The following ASIC2 variants were observed in gnomAD, a reference collection of about 807,000 sequenced individuals.
ASIC2 encodes the protein acid-sensing ion channel 2.
A neutral mutation model predicts 57.3 loss-of-function variants in ASIC2; 25 were observed. The ratio of observed to expected loss-of-function variants is 0.44; its 90% CI spans 0.32 to 0.61. ASIC2 has a LOEUF of 0.61. Among genes scored for constraint, ASIC2 ranks in the 20% least tolerant of loss-of-function variants. The pLI is 0.06. For synonymous variants in ASIC2, 319 were observed against 307.5 expected (o/e 1.04, Z -0.39); for missense variants, 641 against 738.1 (o/e 0.87, Z 1.52).
chr17:33,395,982 A>G (rs943834873), intron 1 of ASIC2, among the ~76,000 whole-genome samples: 5 of 152,242 alleles, frequency 3.3e-5, no homozygotes, highest in African/African-American at 1.2e-4. Context: ...TTTATAACAA[A>G]GGCCAGAGAA....
intron 1 of ASIC2, among the ~76,000 whole-genome samples, chr17:33,875,745 A>T (rs1914529963): frequency 6.6e-6 from 1 of 151,836 alleles, no homozygotes; most frequent in Non-Finnish European, 1.5e-5. Context: ...GTCTCATTTC[A>T]CTCAAGCCAA....
chr17:33,997,402 C>G (rs1454633532), intron 1 of ASIC2, among the ~76,000 whole-genome samples: 1 of 144,996 alleles, frequency 6.9e-6, no homozygotes, highest in Non-Finnish European at 1.5e-5. Context: ...GATCGGCCAG[C>G]CTTGGGCTCC....
intron 1 of ASIC2, among the ~76,000 whole-genome samples, chr17:33,872,012 C>T (rs1437713845): frequency 2.6e-5 from 4 of 152,110 alleles, no homozygotes; most frequent in African/African-American, 9.7e-5. Flanking sequence ...TCTCTCCTCC[C>T]ACTTGCAGGC....
chr17:34,053,829 C>T (rs1908659509), intron 1 of ASIC2, among the ~76,000 whole-genome samples: 1 of 152,174 alleles, frequency 6.6e-6, no homozygotes, highest in Admixed American at 6.5e-5. Flanking sequence ...TGGAGGAAAC[C>T]AAATATAGGT....
chr17:33,182,091 G>T (rs1906009375), intron 1 of ASIC2, among the ~76,000 whole-genome samples: 1 of 152,182 alleles, frequency 6.6e-6, no homozygotes. Flanking sequence ...GAGAACTATT[G>T]TGGGTTGAAG....
chr17:33,119,239 G>T (rs866147363), intron 1 of ASIC2, among the ~76,000 whole-genome samples: 1 of 152,088 alleles, frequency 6.6e-6, no homozygotes, highest in Admixed American at 6.5e-5. Context: ...CTTATTACAC[G>T]TGAAGGAAAT....
chr17:33,524,128 G>A (rs562379851), intron 1 of ASIC2, among the ~76,000 whole-genome samples: 2 of 152,172 alleles, frequency 1.3e-5, no homozygotes, highest in Non-Finnish European at 2.9e-5. Context: ...GGGCTCAGGA[G>A]TTTCTCTCAC....
At chr17:33,427,055 A>G (rs1253291154) in intron 1 of ASIC2, among the ~76,000 whole-genome samples, 1 of 152,190 alleles carries the variant, frequency 6.6e-6, no homozygotes, top group Non-Finnish European at 1.5e-5. Flanking sequence ...GGCCAGAAAC[A>G]GTGATCAAGG....
In ASIC2 at chr17:34,060,769, C is replaced by T. The variant is rs1014719664; in HGVS notation, c.555+95209G>A. On this transcript the variant is annotated intron_variant, in intron 1 of 9. Transcript: ENST00000359872. Reference sequence around the variant, plus strand: ...GAAATTCAGAGCTCAAAGACAAGGTCTTCAAATTAACCCATTTCAACAAAG... The same window carrying T: ...GAAATTCAGAGCTCAAAGACAAGGTTTTCAAATTAACCCATTTCAACAAAG... 3.3e-5 allele frequency among the ~76,000 whole-genome samples: 5 copies of T among 152,066 alleles called. No individual in the cohort carries two copies. In the South Asian group the frequency reaches 1.0e-3, roughly 32 times the overall value.
Position 33,464,476 on chromosome 17 carries a change from TTTTCTCTCTTTCTTTCTTTCTTTC to T in ASIC2, c.556-352433_556-352410del, listed in dbSNP as rs1454416555. 8.3e-5 allele frequency among the ~76,000 whole-genome samples: 6 copies of T among 71,926 alleles called. No individual in the cohort carries two copies. The East Asian group carries it at 1.8e-3, about 22-fold the overall frequency. 47.2% of individuals were successfully genotyped at this position (71,926 alleles called of 152,430 possible). On this transcript the variant is annotated intron_variant, in intron 1 of 9. Coordinates refer to the ASIC2 transcript ENST00000359872. ...CTTTTTCTCTTTCTTTCTTTCTTTC[TTTTCTCTCTTTCTTTCTTTCTTTC>T]TTTCTTTCTTTCTTTCTTTCTTTCT...
chr17:34,011,717 A>T (rs56406346), intron 1 of ASIC2, among the ~76,000 whole-genome samples: 3 of 152,020 alleles, frequency 2.0e-5, no homozygotes, highest in South Asian at 2.1e-4. Flanking sequence ...CTAATTGCCA[A>T]ATCAAATGCA....
At chr17:33,190,406 C>G (rs1251490362) in intron 1 of ASIC2, among the ~76,000 whole-genome samples, 1 of 152,054 alleles carries the variant, frequency 6.6e-6, no homozygotes, top group Non-Finnish European at 1.5e-5. Context: ...TATGTAAATA[C>G]AGAGAAATGC....
intron 1 of ASIC2, among the ~76,000 whole-genome samples, chr17:33,213,383 A>G (rs1907356582): frequency 6.6e-6 from 1 of 152,156 alleles, no homozygotes; most frequent in Admixed American, 6.5e-5. Context: ...CAGGGAAGAG[A>G]AGGAAATGAT....
intron 1 of ASIC2, among the ~76,000 whole-genome samples, chr17:33,811,563 A>G (rs1432855699): frequency 6.6e-6 from 1 of 152,194 alleles, no homozygotes; most frequent in Non-Finnish European, 1.5e-5. Flanking sequence ...CAGTCTGCAC[A>G]TTTGCAGTCA....
chr17:33,089,917 ATGAAC>A (rs1445171391), intron 2 of ASIC2, among the ~76,000 whole-genome samples: 2 of 152,178 alleles, frequency 1.3e-5, no homozygotes, highest in African/African-American at 2.4e-5. Flanking sequence ...TCAGTGGAAA[ATGAAC>A]TTATGGGACT....
chr17:33,061,708 T>C (rs1026822754), intron 3 of ASIC2, among the ~76,000 whole-genome samples: 7 of 152,220 alleles, frequency 4.6e-5, no homozygotes, highest in African/African-American at 1.7e-4. Context: ...CCTCTTTTTC[T>C]ATTGATTGGA....
rs144953274 is a variant in ASIC2 at position 33,592,720 on chromosome 17, G to A, written c.556-480653C>T. On this transcript the variant is annotated intron_variant, in intron 1 of 9. Coordinates refer to the ASIC2 transcript ENST00000359872. ...CAAAGTGAAGGAGGAGGGTAGAATG[G>A]AAAGAACAGAGCAGCTTCTGAAGCA... 6.9e-3 allele frequency among the ~76,000 whole-genome samples: 1,048 copies of A among 152,280 alleles called. 13 individuals are homozygous for A. The highest frequency in any genetic ancestry group is 0.023 in the African/African-American group (956 of 41,556).
chr17:34,025,794 C>A (rs1907355491), intron 1 of ASIC2, among the ~76,000 whole-genome samples: 1 of 152,142 alleles, frequency 6.6e-6, no homozygotes, highest in Non-Finnish European at 1.5e-5. Flanking sequence ...AAAATACTGC[C>A]CTCATGCATC....
At chr17:33,930,714 G>C (rs577611613) in intron 1 of ASIC2, among the ~76,000 whole-genome samples, 4 of 152,362 alleles carry the variant, frequency 2.6e-5, no homozygotes, top group African/African-American at 7.2e-5. Flanking sequence ...GTCGAAGTGA[G>C]CTTGGCAGTG....
Sources: gnomAD v4.1 joint callset for allele counts (sites outside exome capture counted in the v4.1 genomes callset) on GRCh38, gnomAD v4.1.1 for gene constraint, MANE v1.5 for transcripts, NCBI Gene and HGNC (gene_info 2026-07-23, HGNC 2026-07-21) for gene names.